SMYD3: variants seen among roughly 807,000 people sequenced by gnomAD.
The protein encoded by SMYD3 is SET and MYND domain containing 3, also known as histone-lysine N-methyltransferase SMYD3.
In SMYD3, 36 loss-of-function variants were observed where a neutral mutation model predicts 57.7. The ratio of observed to expected loss-of-function variants is 0.62; its 90% CI spans 0.48 to 0.82. The LOEUF (loss-of-function observed/expected upper bound fraction) is 0.82. Ranked by LOEUF, SMYD3 falls within the 40% of genes least tolerant of loss-of-function variation. SMYD3 has a pLI of 0.00. For missense variants in SMYD3, 515 were observed against 538.8 expected, an observed-to-expected ratio of 0.96 and a Z score of 0.44; for synonymous variants, 211 against 195.0, an observed-to-expected ratio of 1.08 and a Z score of -0.68.
At chr1:246,231,096 T>G (rs2063402435) in intron 5 of SMYD3, among the ~76,000 whole-genome samples, 1 of 152,186 alleles carries the variant, frequency 6.6e-6, no homozygotes, top group Admixed American at 6.6e-5. Context: ...GGCCAGTGAG[T>G]TGTGTGGGTT....
At chr1:246,136,645 T>C (rs183308656) in intron 5 of SMYD3, among the ~76,000 whole-genome samples, 1 of 152,158 alleles carries the variant, frequency 6.6e-6, no homozygotes, top group Admixed American at 6.5e-5. Flanking sequence ...GTAGGCAAGA[T>C]AAGGAATACA....
chr1:245,811,415 T>C (rs2048464320), intron 10 of SMYD3, among the ~76,000 whole-genome samples: 1 of 152,228 alleles, frequency 6.6e-6, no homozygotes, highest in East Asian at 1.9e-4. Context: ...CTATCTGTTA[T>C]GCTTTCTGTA....
At chr1:245,781,582 C>T (rs2046828081) in intron 10 of SMYD3, among the ~76,000 whole-genome samples, 1 of 152,140 alleles carries the variant, frequency 6.6e-6, no homozygotes, top group Non-Finnish European at 1.5e-5. Context: ...ATTAGCACAC[C>T]AATTTGCAAG....
chr1:245,883,067 T>C (rs2052877810), intron 8 of SMYD3, among the ~76,000 whole-genome samples: 2 of 152,198 alleles, frequency 1.3e-5, no homozygotes. Flanking sequence ...ATATTAGCAA[T>C]TTTCCATTTG....
intron 5 of SMYD3, chr1:246,109,699 A>G (rs2061197255): frequency 6.6e-6 from 1 of 152,234 alleles, no homozygotes; most frequent in Non-Finnish European, 1.5e-5. Context: ...CTAGTTTTCA[A>G]TTATTACCAA....
intron 1 of SMYD3, among the ~76,000 whole-genome samples, chr1:246,411,217 T>A (rs981185136): frequency 6.6e-6 from 1 of 152,108 alleles, no homozygotes; most frequent in African/African-American, 2.4e-5. Context: ...AAAAAACACA[T>A]GAAAAAATGC....
intron 2 of SMYD3, among the ~76,000 whole-genome samples, chr1:246,346,737 T>C (rs1225665636): frequency 6.6e-6 from 1 of 152,166 alleles, no homozygotes; most frequent in Non-Finnish European, 1.5e-5. Context: ...ATGGGGATTA[T>C]GGGAACCACA....
chr1:245,751,588 G>A (rs756466064), intron 11 of SMYD3, among the ~76,000 whole-genome samples: 19,185 of 77,530 alleles, frequency 0.25, 1,774 homozygotes, highest in African/African-American at 0.51. Context: ...AAGAGAGAGA[G>A]AGAGAAAGAG....
chr1:246,010,631 GAAAGACAAGGA>G (rs1302674164), intron 5 of SMYD3, among the ~76,000 whole-genome samples: 1 of 152,124 alleles, frequency 6.6e-6, no homozygotes, highest in African/African-American at 2.4e-5. Context: ...GTCCAAATAG[GAAAGACAAGGA>G]AAAATGGGGA....
intron 10 of SMYD3, among the ~76,000 whole-genome samples, chr1:245,818,795 G>T (rs570968016): frequency 6.6e-6 from 1 of 151,818 alleles, no homozygotes; most frequent in Non-Finnish European, 1.5e-5. Context: ...AAGAGACAAA[G>T]AAGGCCATTA....
intron 8 of SMYD3, among the ~76,000 whole-genome samples, chr1:245,889,291 T>A (rs935346696): frequency 6.6e-5 from 10 of 152,234 alleles, no homozygotes; most frequent in African/African-American, 2.2e-4. Context: ...TGGCACCATG[T>A]TCTCTTAATT....
chr1:246,506,999 C>A lies in SMYD3; in HGVS notation c.164+55G>T, dbSNP rs931721601. 454 of 972,778 alleles carry A rather than the reference C, an allele frequency of 4.7e-4. 10 individuals carry two copies. The highest frequency in any genetic ancestry group is 1.9e-3 in the Middle Eastern group (7 of 3,776). The allele number at this position is 972,778 out of a possible 1,614,324, so 60.3% of individuals were successfully genotyped here. On this transcript the variant is annotated intron_variant, in intron 1 of 11. Transcript: ENST00000490107. ...TGCCGGCCGCCCGACGCCCCCCCCT[C>A]CCCAGCACCCCACACAGCTCGCGAC...
At chr1:246,402,054 T>C (rs1436780869) in intron 1 of SMYD3, among the ~76,000 whole-genome samples, 1 of 152,192 alleles carries the variant, frequency 6.6e-6, no homozygotes, top group Non-Finnish European at 1.5e-5. Flanking sequence ...TCATCCATAA[T>C]ACATTGTAGT....
intron 1 of SMYD3, among the ~76,000 whole-genome samples, chr1:246,369,418 A>G (rs1474079898): frequency 6.6e-6 from 1 of 152,226 alleles, no homozygotes. Context: ...TAAAAATTGA[A>G]GTGATTACAC....
chr1:246,112,733 T>C (rs1186130539), intron 5 of SMYD3, among the ~76,000 whole-genome samples: 2 of 152,220 alleles, frequency 1.3e-5, no homozygotes, highest in Non-Finnish European at 2.9e-5. Context: ...AATGTACTTT[T>C]AAAAATATAC....
chr1:246,087,199 T>A (rs2147868230), intron 5 of SMYD3, among the ~76,000 whole-genome samples: 1 of 152,322 alleles, frequency 6.6e-6, no homozygotes, highest in Admixed American at 6.5e-5. Context: ...TTCAAATTCT[T>A]GCCCTTATAG....
At chr1:246,164,207 G>A (rs1353316053) in intron 5 of SMYD3, among the ~76,000 whole-genome samples, 1 of 152,200 alleles carries the variant, frequency 6.6e-6, no homozygotes, top group Non-Finnish European at 1.5e-5. Flanking sequence ...GATTGCCTGA[G>A]GTCAGGAGTT....
At chr1:246,175,408 A>G (rs2062415143) in intron 5 of SMYD3, among the ~76,000 whole-genome samples, 2 of 152,338 alleles carry the variant, frequency 1.3e-5, no homozygotes, top group Middle Eastern at 3.4e-3. Flanking sequence ...ATCTGGAGTA[A>G]TAACTGTCTG....
chr1:246,427,593 G>A (rs981714554), intron 1 of SMYD3, among the ~76,000 whole-genome samples: 9 of 152,166 alleles, frequency 5.9e-5, no homozygotes, highest in Non-Finnish European at 7.3e-5. Flanking sequence ...GCCAGGTGTC[G>A]TGGCTCATGC....
Sources: allele counts gnomAD v4.1 joint callset (sites outside exome capture counted in the v4.1 genomes callset), GRCh38; gene constraint gnomAD v4.1.1; transcripts MANE v1.5; gene names NCBI Gene and HGNC (gene_info 2026-07-23, HGNC 2026-07-21).